The following ATF2 variants were observed in gnomAD, a reference collection of about 807,000 sequenced individuals.
ATF2 encodes the protein activating transcription factor 2.
Under a neutral mutation model 60.6 loss-of-function variants are expected in ATF2, and 24 were observed. That is an observed-to-expected ratio of 0.40 (90% CI 0.29 to 0.56). ATF2 has a LOEUF of 0.56. Ranked by LOEUF, ATF2 falls within the 20% of genes least tolerant of loss-of-function variation. ATF2 has a pLI of 0.54. For synonymous variants in ATF2, 206 were observed against 215.4 expected, an observed-to-expected ratio of 0.96 and a Z score of 0.38; for missense variants, 433 against 607.7, an observed-to-expected ratio of 0.71 and a Z score of 3.02.
rs1296868365 is a variant in ATF2 at position 175,072,720 on chromosome 2, T to G, written c.*1889A>C. 6.6e-6 allele frequency: 1 copy of G among 152,036 alleles called. No homozygotes were observed. The highest frequency in any genetic ancestry group is 1.5e-5 in the Non-Finnish European group (1 of 67,998). 9.4% of individuals were successfully genotyped at this position (152,036 alleles called of 1,614,324 possible). A position where few individuals can be genotyped will look rare whatever the true frequency, so the allele number is the denominator to read the frequency against. On this transcript the variant is annotated 3_prime_UTR_variant, in exon 14 of 14. Coordinates refer to ENST00000264110, the MANE Select transcript of ATF2 (RefSeq NM_001880.4). ...CCTTTGAGATAACTCCTTAGAATAA[T>G]GATATCAAAATCATGATTTGAAAAA...
intron 12 of ATF2, among the ~76,000 whole-genome samples, chr2:175,090,038 A>G (rs1278544451): frequency 6.6e-6 from 1 of 152,110 alleles, no homozygotes; most frequent in Non-Finnish European, 1.5e-5. Flanking sequence ...CCAAGGTGAG[A>G]TTCATATAAC....
At chr2:175,142,246 T>C (rs1698598396) in intron 2 of ATF2, among the ~76,000 whole-genome samples, 1 of 150,682 alleles carries the variant, frequency 6.6e-6, no homozygotes, top group Admixed American at 6.6e-5. Flanking sequence ...GAGTGCAATG[T>C]TGCGTCTCGG....
chr2:175,151,963 T>C (rs954354504), intron 1 of ATF2, among the ~76,000 whole-genome samples: 1 of 152,146 alleles, frequency 6.6e-6, no homozygotes, highest in East Asian at 1.9e-4. Flanking sequence ...TTTCAGAAAT[T>C]TCACAGGAAA....
chr2:175,086,012 A>C (rs1266792653), intron 12 of ATF2, among the ~76,000 whole-genome samples: 1 of 152,224 alleles, frequency 6.6e-6, no homozygotes, highest in Non-Finnish European at 1.5e-5. Context: ...GCTGTAAATT[A>C]TATTTATCCA....
chr2:175,128,424 T>C (rs1383510830), intron 4 of ATF2, among the ~76,000 whole-genome samples: 1 of 151,314 alleles, frequency 6.6e-6, no homozygotes, highest in Admixed American at 6.6e-5. Flanking sequence ...CACTTTAACC[T>C]GGGAGGCGGA....
chr2:175,143,451 A>G (rs568841355), intron 2 of ATF2, among the ~76,000 whole-genome samples: 2 of 152,192 alleles, frequency 1.3e-5, no homozygotes, highest in Non-Finnish European at 2.9e-5. Flanking sequence ...TCATCAATGA[A>G]TATCTTTGGG....
intron 1 of ATF2, among the ~76,000 whole-genome samples, chr2:175,159,126 T>C (rs1699860298): frequency 6.6e-6 from 1 of 152,022 alleles, no homozygotes; most frequent in African/African-American, 2.4e-5. Flanking sequence ...AAGACCAGCC[T>C]GGTCATCATG....
chr2:175,085,028 T>C (rs1257575649), intron 12 of ATF2, among the ~76,000 whole-genome samples: 1 of 152,184 alleles, frequency 6.6e-6, no homozygotes, highest in African/African-American at 2.4e-5. Flanking sequence ...AGCAATAATC[T>C]CACCAATACA....
At chr2:175,078,846 C>T (rs1007225882) in intron 13 of ATF2, among the ~76,000 whole-genome samples, 1 of 152,050 alleles carries the variant, frequency 6.6e-6, no homozygotes, top group African/African-American at 2.4e-5. Flanking sequence ...AGATTTCAAA[C>T]TTGAAAATAT....
intron 12 of ATF2, among the ~76,000 whole-genome samples, chr2:175,083,433 T>G (rs938794937): frequency 1.3e-5 from 2 of 152,204 alleles, no homozygotes; most frequent in African/African-American, 2.4e-5. Context: ...CTGGGAAAAC[T>G]GGCTAGCCAT....
chr2:175,112,971 T>A (rs1452379978), intron 9 of ATF2, among the ~76,000 whole-genome samples: 1 of 152,200 alleles, frequency 6.6e-6, no homozygotes, highest in Non-Finnish European at 1.5e-5. Context: ...GAAAAAACTA[T>A]CTTTTTATTA....
intron 1 of ATF2, among the ~76,000 whole-genome samples, chr2:175,158,829 T>C (rs145595556): frequency 1.1e-4 from 17 of 152,228 alleles, no homozygotes; most frequent in African/African-American, 4.1e-4. Flanking sequence ...GCTATCAAAA[T>C]ATATAAAAGT....
chr2:175,165,465 G>A (rs745452786), intron 1 of ATF2, among the ~76,000 whole-genome samples: 1 of 152,154 alleles, frequency 6.6e-6, no homozygotes, highest in African/African-American at 2.4e-5. Context: ...AGACAAGAAC[G>A]TATGTATCAT....
intron 1 of ATF2, among the ~76,000 whole-genome samples, chr2:175,156,423 A>C (rs1031481242): frequency 6.6e-6 from 1 of 151,358 alleles, no homozygotes; most frequent in African/African-American, 2.4e-5. Context: ...ATCCAAAAAT[A>C]AGATAGATTC....
chr2:175,115,860 G>C (rs1696518344), intron 7 of ATF2, among the ~76,000 whole-genome samples: 1 of 152,168 alleles, frequency 6.6e-6, no homozygotes, highest in Non-Finnish European at 1.5e-5. Context: ...GGAAGAGTCA[G>C]TTAATTTAGA....
At chr2:175,089,586 C>A (rs1368499693) in intron 12 of ATF2, among the ~76,000 whole-genome samples, 1 of 152,114 alleles carries the variant, frequency 6.6e-6, no homozygotes, top group East Asian at 1.9e-4. Context: ...TCATTCTGTT[C>A]TTCACAGTTA....
At chr2:175,084,997 G>A (rs1411776368) in intron 12 of ATF2, among the ~76,000 whole-genome samples, 2 of 152,098 alleles carry the variant, frequency 1.3e-5, no homozygotes, top group African/African-American at 4.8e-5. Context: ...TCTGGTCAGA[G>A]GTCCTAACTT....
At chr2:175,111,971 G>T (rs553107565) in intron 9 of ATF2, among the ~76,000 whole-genome samples, 3 of 152,216 alleles carry the variant, frequency 2.0e-5, no homozygotes, top group African/African-American at 7.2e-5. Flanking sequence ...CTTCCATTTT[G>T]AATATGAAAG....
At chr2:175,097,982 G>A (rs951086328) in intron 10 of ATF2, among the ~76,000 whole-genome samples, 2 of 152,120 alleles carry the variant, frequency 1.3e-5, no homozygotes, top group Non-Finnish European at 1.5e-5. Context: ...CACATTCAGA[G>A]CATGACAGAC....
Sources: gnomAD v4.1 joint callset for allele counts (sites outside exome capture counted in the v4.1 genomes callset) on GRCh38, gnomAD v4.1.1 for gene constraint, MANE v1.5 for transcripts, NCBI Gene and HGNC (gene_info 2026-07-23, HGNC 2026-07-21) for gene names.